The following IL1RAPL2 variants were observed in gnomAD, a reference collection of about 807,000 sequenced individuals.
The protein encoded by IL1RAPL2 is X-linked interleukin-1 receptor accessory protein-like 2.
Under a neutral mutation model 44.1 loss-of-function variants are expected in IL1RAPL2, and 3 were observed. That is an observed-to-expected ratio of 0.07 (90% CI 0.03 to 0.18). The LOEUF (loss-of-function observed/expected upper bound fraction) is 0.18. Among genes scored for constraint, IL1RAPL2 ranks in the 10% least tolerant of loss-of-function variants. The pLI is 1.00. For synonymous variants in IL1RAPL2, 181 were observed against 178.8 expected, an observed-to-expected ratio of 1.01 and a Z score of -0.10; for missense variants, 391 against 496.4, an observed-to-expected ratio of 0.79 and a Z score of 2.02.
chrX:105,142,701 A>C (rs1218989523), intron 2 of IL1RAPL2, among the ~76,000 whole-genome samples: 2 of 109,107 alleles, frequency 1.8e-5, no homozygotes, highest in African/African-American at 6.7e-5. Flanking sequence ...ATATGTATAC[A>C]TGTGCCATGT....
At chrX:105,331,306 A>G (rs2034984461) in intron 5 of IL1RAPL2, among the ~76,000 whole-genome samples, 1 of 111,494 alleles carries the variant, frequency 9.0e-6, no homozygotes, top group Admixed American at 9.6e-5. Flanking sequence ...CCTGGCCTTC[A>G]TGGCTCCTTT....
intron 2 of IL1RAPL2, among the ~76,000 whole-genome samples, chrX:104,806,000 A>T (rs1350412707): frequency 8.9e-6 from 1 of 112,132 alleles, no homozygotes; most frequent in African/African-American, 3.2e-5. Context: ...TTTTTAAAAA[A>T]TAGTGATAGC....
At position 105,219,611 on chromosome X, in the gene IL1RAPL2, C is replaced by G. The variant is rs782348932; in HGVS notation, c.357-14207C>G. Reference sequence around the variant, plus strand: ...ACAACCTCCACATCCCTCTGCTCTTCTTCTGCTCCTTTTCCTCCAGCAGCA... The same window carrying G: ...ACAACCTCCACATCCCTCTGCTCTTGTTCTGCTCCTTTTCCTCCAGCAGCA... On this transcript the variant is annotated intron_variant, in intron 3 of 10. Transcript: ENST00000372582. 5 of 1,210,577 alleles carry G rather than the reference C, an allele frequency of 4.1e-6. No individual in the cohort carries two copies. The South Asian group carries it at 8.8e-5, about 21-fold the overall frequency.
At chrX:104,750,212 AATAGCCATG>A (rs1384858467) in intron 2 of IL1RAPL2, among the ~76,000 whole-genome samples, 1 of 111,373 alleles carries the variant, frequency 9.0e-6, no homozygotes, top group Admixed American at 9.6e-5. Context: ...TAGTTCTTTT[AATAGCCATG>A]ATGTCATTGA....
chrX:104,983,527 A>G (rs1247758059), intron 2 of IL1RAPL2, among the ~76,000 whole-genome samples: 1 of 97,689 alleles, frequency 1.0e-5, no homozygotes, highest in African/African-American at 3.8e-5. Context: ...TATTAGATAC[A>G]TAATATTATA....
At chrX:104,944,714 C>A (rs1174704814) in intron 2 of IL1RAPL2, among the ~76,000 whole-genome samples, 1 of 111,863 alleles carries the variant, frequency 8.9e-6, no homozygotes, top group African/African-American at 3.2e-5. Context: ...ATTTCATTAA[C>A]TTATTATATG....
intron 3 of IL1RAPL2, among the ~76,000 whole-genome samples, chrX:105,232,167 G>T (rs2034076964): frequency 1.8e-5 from 2 of 111,808 alleles, no homozygotes; most frequent in South Asian, 7.5e-4. Context: ...CCTGGGCATA[G>T]TCAGGGGTGC....
At chrX:104,729,061 A>G (rs1246208736) in intron 2 of IL1RAPL2, among the ~76,000 whole-genome samples, 1 of 111,311 alleles carries the variant, frequency 9.0e-6, no homozygotes, top group Non-Finnish European at 1.9e-5. Flanking sequence ...AATTATTTAA[A>G]TAGAATCTGT....
intron 5 of IL1RAPL2, among the ~76,000 whole-genome samples, chrX:105,403,468 G>A (rs759669263): frequency 3.6e-4 from 40 of 111,426 alleles, no homozygotes; most frequent in Non-Finnish European, 7.3e-4. Flanking sequence ...CTTGAATCTA[G>A]TCTCAGGGAA....
chrX:105,313,878 C>T (rs758581852), intron 5 of IL1RAPL2, among the ~76,000 whole-genome samples: 1 of 111,377 alleles, frequency 9.0e-6, no homozygotes, highest in South Asian at 3.8e-4. Flanking sequence ...ACCATACACT[C>T]ACATTTTTAA....
At chrX:105,185,297 G>A (rs782151940) in intron 2 of IL1RAPL2, among the ~76,000 whole-genome samples, 132 of 111,852 alleles carry the variant, frequency 1.2e-3, no homozygotes, top group Non-Finnish European at 2.1e-3. Flanking sequence ...ATAAAACAAA[G>A]CTATTGAAAG....
At chrX:105,544,749 T>G (rs2147799691) in intron 6 of IL1RAPL2, among the ~76,000 whole-genome samples, 1 of 112,075 alleles carries the variant, frequency 8.9e-6, no homozygotes, top group South Asian at 3.7e-4. Context: ...ACTGTTTTTT[T>G]ATATGTCTCC....
chrX:104,767,962 G>A (rs1448259812), intron 2 of IL1RAPL2, among the ~76,000 whole-genome samples: 1 of 112,002 alleles, frequency 8.9e-6, no homozygotes, highest in African/African-American at 3.2e-5. Flanking sequence ...CTTAAAGTAT[G>A]TATTTTTTAA....
intron 5 of IL1RAPL2, among the ~76,000 whole-genome samples, chrX:105,411,270 C>A (rs2035693778): frequency 9.0e-6 from 1 of 111,495 alleles, no homozygotes; most frequent in Non-Finnish European, 1.9e-5. Flanking sequence ...ATCTATAAAA[C>A]AACCAGAAAA....
intron 2 of IL1RAPL2, among the ~76,000 whole-genome samples, chrX:105,004,863 T>G (rs918787321): frequency 2.7e-5 from 3 of 111,111 alleles, no homozygotes; most frequent in Non-Finnish European, 3.8e-5. Flanking sequence ...TGAGATGATG[T>G]TATCTAAATT....
intron 2 of IL1RAPL2, among the ~76,000 whole-genome samples, chrX:105,178,664 T>A (rs1037555979): frequency 4.5e-5 from 5 of 112,067 alleles, no homozygotes; most frequent in Admixed American, 2.8e-4. Context: ...TCTATTATAT[T>A]TTTCTTTTTG....
At chrX:104,907,585 T>G (rs1924060053) in intron 2 of IL1RAPL2, among the ~76,000 whole-genome samples, 1 of 112,024 alleles carries the variant, frequency 8.9e-6, no homozygotes, top group South Asian at 3.7e-4. Flanking sequence ...AGGAGCAGGT[T>G]GTTCAGTTTC....
rs374246122 is a variant in IL1RAPL2, at chrX:105,417,091, T to A, written c.698-67222T>A. Among the ~76,000 whole-genome samples, 13 of 111,870 alleles carry A rather than the reference T, an allele frequency of 1.2e-4. No individual in the cohort carries two copies. The East Asian group carries it at 3.6e-3, about 31-fold the overall frequency. On this transcript the variant is annotated intron_variant, in intron 5 of 10. Transcript: ENST00000372582. The stretch of plus-strand genomic sequence containing the variant: ...GATCATCTAGCCCTGTGCTAGGGAG[T>A]CAGGATATGAGGGAGAGTTCTTAAA...
chrX:105,152,648 T>C (rs1246071191), intron 2 of IL1RAPL2, among the ~76,000 whole-genome samples: 1 of 112,300 alleles, frequency 8.9e-6, no homozygotes, highest in Non-Finnish European at 1.9e-5. Flanking sequence ...CCCTATGAAA[T>C]TCACATTGAG....
Sources: allele counts gnomAD v4.1 joint callset (sites outside exome capture counted in the v4.1 genomes callset), GRCh38; gene constraint gnomAD v4.1.1; transcripts MANE v1.5; gene names NCBI Gene and HGNC (gene_info 2026-07-23, HGNC 2026-07-21).